Variants in ADGRD1 observed in about 807,000 individuals in gnomAD.
The protein encoded by ADGRD1 is G-protein coupled receptor 133.
ADGRD1 carries 77 observed loss-of-function variants against 113.4 expected under a neutral mutation model. The observed-to-expected ratio is 0.68, with a 90% CI of 0.57 to 0.82. ADGRD1 has a LOEUF of 0.82. Among genes scored for constraint, ADGRD1 ranks in the 40% least tolerant of loss-of-function variants. The probability of loss-of-function intolerance (pLI) is 0.00; values close to 1 mark genes in which losing one functional copy is unlikely to be tolerated. For synonymous variants in ADGRD1, 474 were observed against 475.0 expected (o/e 1.00, Z 0.03); for missense variants, 1,036 against 1,139.1 (o/e 0.91, Z 1.30).
chr12:131,054,044 A>G (rs1883639628), intron 13 of ADGRD1, among the ~76,000 whole-genome samples: 1 of 152,136 alleles, frequency 6.6e-6, no homozygotes, highest in Non-Finnish European at 1.5e-5. Flanking sequence ...CCCTCACCAC[A>G]AGAACCCAAA....
intron 20 of ADGRD1, among the ~76,000 whole-genome samples, chr12:131,126,285 T>G (rs1209194103): frequency 2.6e-5 from 4 of 152,152 alleles, no homozygotes; most frequent in Non-Finnish European, 4.4e-5. Context: ...CCCCCTTCTC[T>G]CTCTCTGTGC....
rs1446214102 is a variant in ADGRD1 at position 131,096,260 on chromosome 12, G to C, written c.1672-8571G>C. On this transcript the variant is annotated intron_variant, in intron 15 of 24. Coordinates refer to ENST00000261654, the MANE Select transcript of ADGRD1 (RefSeq NM_198827.5). This position sits in a 1 kb window ranked among gnomAD's most constrained non-coding sequence, Gnocchi z 5.2. ...CTTTATTTTTATTTACAATTTATTTGTGTTAGAGACAAGGTTGCACGCTGT... is the reference window on the plus strand; with the variant it reads ...CTTTATTTTTATTTACAATTTATTTCTGTTAGAGACAAGGTTGCACGCTGT... Among the ~76,000 whole-genome samples the C allele has an allele frequency of 6.6e-6, 1 of 152,144 alleles. No homozygotes were observed. Among genetic ancestry groups the C allele is most frequent in the East Asian group, 1.9e-4 (1 of 5,190 alleles).
Position 131,138,141 on chromosome 12 carries a change from G to C in ADGRD1, c.2441G>C (p.Arg814Thr). 6.2e-7 allele frequency: 1 copy of C among 1,613,384 alleles called. No homozygotes were observed. Among genetic ancestry groups the C allele is most frequent in the East Asian group, 2.2e-5 (1 of 44,870 alleles). Residue 814 changes from arginine to threonine, a missense_variant, in exon 24 of 25, where the codon AGA (arginine) becomes ACA (threonine). Arg to Thr is a moderately conservative substitution (Grantham distance 71). Coordinates refer to ENST00000261654, the MANE Select transcript of ADGRD1 (RefSeq NM_198827.5). ...LFHCLLNSEV[R>T]AAFKHKTKVW... ...GATCCCTTCCCCGCTTTCAAGGTGA[G>C]AGCCGCCTTCAAGCACAAAACCAAG...
chr12:131,080,315 G>C (rs1443904007), intron 14 of ADGRD1, among the ~76,000 whole-genome samples: 1 of 152,018 alleles, frequency 6.6e-6, no homozygotes, highest in Non-Finnish European at 1.5e-5. Flanking sequence ...TTTGTAAATA[G>C]TTTTTTTATG....
chr12:131,085,923 C>T (rs189149755), intron 15 of ADGRD1, among the ~76,000 whole-genome samples: 2 of 152,172 alleles, frequency 1.3e-5, no homozygotes, highest in Admixed American at 6.5e-5. Flanking sequence ...ATGTGCTCAT[C>T]GTGGCCACTG....
intron 13 of ADGRD1, among the ~76,000 whole-genome samples, chr12:131,047,398 G>A (rs1389362072): frequency 1.3e-5 from 2 of 152,242 alleles, no homozygotes; most frequent in African/African-American, 4.8e-5. Flanking sequence ...CTGAAGGGCA[G>A]ATGGGTGGGA....
chr12:131,000,853 C>G (rs942800991), intron 9 of ADGRD1, among the ~76,000 whole-genome samples: 1 of 152,028 alleles, frequency 6.6e-6, no homozygotes, highest in African/African-American at 2.4e-5. Flanking sequence ...TAATATGGCC[C>G]AGTCACATCC....
chr12:130,971,661 T>A lies in ADGRD1; in HGVS notation c.310+81T>A. 2.1e-6 allele frequency: 3 copies of A among 1,426,984 alleles called. No homozygotes were observed. The highest frequency in any genetic ancestry group is 2.9e-6 in the Non-Finnish European group (3 of 1,047,990). 88.4% of individuals were successfully genotyped at this position (1,426,984 alleles called of 1,614,324 possible). ...CTGCTCCTCTGGTGACTGGAAGATG[T>A]GAACCTGAGGTTCTCATCAATTGCA... On this transcript the variant is annotated intron_variant, in intron 4 of 24. Coordinates refer to ENST00000261654, the MANE Select transcript of ADGRD1 (RefSeq NM_198827.5). This position sits in a 1 kb window ranked among gnomAD's most constrained non-coding sequence, Gnocchi z 4.2.
rs755174223 is a variant in ADGRD1 at position 131,050,102 on chromosome 12, G to C, written c.1474-26699G>C. On this transcript the variant is annotated intron_variant, in intron 13 of 24. Coordinates refer to ENST00000261654, the MANE Select transcript of ADGRD1 (RefSeq NM_198827.5). This position sits in a 1 kb window ranked among gnomAD's most constrained non-coding sequence, Gnocchi z 4.8. ...TGGATACACGGGGGTCCAGGAATGC[G>C]TGCAGGAAGCTGGGAATTCAGTGTG... 1.3e-5 allele frequency among the ~76,000 whole-genome samples: 2 copies of C among 152,054 alleles called. No homozygotes were observed. Among genetic ancestry groups the C allele is most frequent in the East Asian group, 3.9e-4 (2 of 5,192 alleles).
intron 12 of ADGRD1, among the ~76,000 whole-genome samples, chr12:131,011,352 A>C (rs909585569): frequency 1.3e-5 from 2 of 151,178 alleles, no homozygotes; most frequent in Non-Finnish European, 2.9e-5. Context: ...CCAGGAAACC[A>C]CTCCAGATTT....
At chr12:131,118,842 C>T (rs1327256986) in intron 19 of ADGRD1, among the ~76,000 whole-genome samples, 1 of 152,136 alleles carries the variant, frequency 6.6e-6, no homozygotes, top group African/African-American at 2.4e-5. Flanking sequence ...GACCGTGTGC[C>T]CAGTAACTCA....
chr12:131,039,328 C>A (rs1279955190), intron 13 of ADGRD1, among the ~76,000 whole-genome samples: 1 of 152,252 alleles, frequency 6.6e-6, no homozygotes, highest in Non-Finnish European at 1.5e-5. Context: ...AGGACCCTCA[C>A]GGGGTGACCC....
intron 15 of ADGRD1, among the ~76,000 whole-genome samples, chr12:131,091,335 T>G (rs921829565): frequency 6.6e-6 from 1 of 152,202 alleles, no homozygotes; most frequent in Non-Finnish European, 1.5e-5. Context: ...ACATTATTTA[T>G]AGTAGAAATA....
At chr12:131,131,856 C>A in intron 21 of ADGRD1, 40 bp downstream of exon 21, 1 of 1,312,188 alleles carries the variant, frequency 7.6e-7, no homozygotes, top group Non-Finnish European at 1.1e-6. Context: ...CACGGCCCTT[C>A]TGCCCCCAGA....
At position 131,041,677 on chromosome 12, in the gene ADGRD1, T is replaced by C. The variant is rs1184250757; in HGVS notation, c.1473+27337T>C. 6.6e-6 allele frequency among the ~76,000 whole-genome samples: 1 copy of C among 152,174 alleles called. No individual in the cohort carries two copies. Among genetic ancestry groups the C allele is most frequent in the East Asian group, 1.9e-4 (1 of 5,186 alleles). On this transcript the variant is annotated intron_variant, in intron 13 of 24. Transcript: ENST00000261654. This position sits in a 1 kb window ranked among gnomAD's most constrained non-coding sequence, Gnocchi z 4.4. ...TGGCCATCCACTCAGGGACACCAGG[T>C]GCCAGAGTGGACATGTCATGCATGA...
At chr12:131,138,974 G>A (rs149681979) in intron 24 of ADGRD1, among the ~76,000 whole-genome samples, 194 bp from the exon 25 acceptor site, 28 of 152,292 alleles carry the variant, frequency 1.8e-4, no homozygotes, top group African/African-American at 5.5e-4. Context: ...GTGGAGAACC[G>A]TGCGGCTGGA....
intron 8 of ADGRD1, 48 bp downstream of exon 8, chr12:130,992,440 T>C: frequency 6.7e-7 from 1 of 1,489,856 alleles, no homozygotes; most frequent in Non-Finnish European, 9.2e-7. Context: ...GTGGCACCCT[T>C]ACCGGGACCA....
At chr12:131,054,484 G>A (rs973670897) in intron 13 of ADGRD1, among the ~76,000 whole-genome samples, 5 of 152,274 alleles carry the variant, frequency 3.3e-5, no homozygotes, top group African/African-American at 9.6e-5. Context: ...CTGGACTAGC[G>A]AGCCAAGACC....
intron 11 of ADGRD1, among the ~76,000 whole-genome samples, chr12:131,004,643 A>G (rs1004238616): frequency 3.9e-5 from 6 of 152,100 alleles, no homozygotes; most frequent in Admixed American, 3.9e-4. Context: ...CATCCTACCT[A>G]CATCCTCCTA....
Sources: gnomAD v4.1 joint callset for allele counts (sites outside exome capture counted in the v4.1 genomes callset) on GRCh38, gnomAD v4.1.1 for gene constraint, Gnocchi (gnomAD v3.1) non-coding constraint, MANE v1.5 for transcripts, NCBI Gene and HGNC (gene_info 2026-07-23, HGNC 2026-07-21) for gene names.